Variants in STAG1 observed in about 807,000 individuals in gnomAD.
STAG1 encodes the protein STAG1 cohesin complex component, also known as cohesin subunit SA-1.
A neutral mutation model predicts 170.9 loss-of-function variants in STAG1; 26 were observed. The ratio of observed to expected loss-of-function variants is 0.15; its 90% CI spans 0.11 to 0.21. STAG1 has a LOEUF of 0.21. STAG1 is among the 10% of genes least tolerant of loss of function. The probability of loss-of-function intolerance (pLI) is 1.00; values close to 1 mark genes in which losing one functional copy is unlikely to be tolerated. For missense variants in STAG1, 964 were observed against 1,509.5 expected (o/e 0.64, Z 5.99); for synonymous variants, 514 against 497.7 (o/e 1.03, Z -0.44).
At chr3:136,343,326 T>G (rs776136227) in intron 30 of STAG1, among the ~76,000 whole-genome samples, 1 of 152,214 alleles carries the variant, frequency 6.6e-6, no homozygotes, top group Non-Finnish European at 1.5e-5. Context: ...AGACCTTGAT[T>G]TTCTCTTTGA....
intron 23 of STAG1, among the ~76,000 whole-genome samples, chr3:136,369,520 G>A (rs1230064605): frequency 1.3e-5 from 2 of 151,856 alleles, no homozygotes; most frequent in Non-Finnish European, 2.9e-5. Context: ...TTACTTTGCT[G>A]TATCAACTCA....
At chr3:136,344,064 G>T in intron 29 of STAG1, 58 bp from the exon 30 acceptor site, 2 of 1,350,724 alleles carry the variant, frequency 1.5e-6, no homozygotes, top group Non-Finnish European at 2.0e-6. Flanking sequence ...TCTGGTAGCA[G>T]TCATAGCATA....
chr3:136,567,644 G>A (rs1242507707), intron 5 of STAG1, among the ~76,000 whole-genome samples: 3 of 152,160 alleles, frequency 2.0e-5, no homozygotes, highest in Non-Finnish European at 4.4e-5. Flanking sequence ...ACACACTCCA[G>A]GTGACACAGC....
chr3:136,676,955 C>T (rs1576751338), intron 1 of STAG1, among the ~76,000 whole-genome samples: 1 of 152,088 alleles, frequency 6.6e-6, no homozygotes, highest in Non-Finnish European at 1.5e-5. Context: ...ATATCACTGC[C>T]TTTCACCTCC....
intron 10 of STAG1, 137 bp downstream of exon 10, chr3:136,477,152 A>G (rs2089773472): frequency 4.5e-6 from 4 of 882,688 alleles, no homozygotes; most frequent in Non-Finnish European, 4.9e-6. Context: ...TCAAGTAAAT[A>G]GTTATTCAGC....
intron 1 of STAG1, among the ~76,000 whole-genome samples, chr3:136,727,682 T>A (rs1050434931): frequency 3.3e-5 from 5 of 152,164 alleles, no homozygotes; most frequent in Non-Finnish European, 7.4e-5. Context: ...TATTCAAATA[T>A]GTTCTCTAGG....
intron 1 of STAG1, among the ~76,000 whole-genome samples, chr3:136,643,033 C>T (rs112590491): frequency 3.9e-5 from 6 of 152,332 alleles, no homozygotes; most frequent in East Asian, 1.9e-4. Flanking sequence ...TTAGGGCCTA[C>T]GCTAAATGCC....
chr3:136,408,303 G>A (rs531955045), intron 21 of STAG1, among the ~76,000 whole-genome samples: 1 of 152,258 alleles, frequency 6.6e-6, no homozygotes, highest in South Asian at 2.1e-4. Flanking sequence ...ACATACAACA[G>A]TATTTGAGAG....
intron 1 of STAG1, among the ~76,000 whole-genome samples, chr3:136,696,675 A>C (rs948744472): frequency 1.3e-5 from 2 of 151,858 alleles, no homozygotes; most frequent in East Asian, 3.9e-4. Flanking sequence ...TTTTGCTGTA[A>C]ATCTTAAACT....
chr3:136,435,542 G>C (rs1315422141), intron 15 of STAG1, among the ~76,000 whole-genome samples: 1 of 151,930 alleles, frequency 6.6e-6, no homozygotes, highest in Admixed American at 6.6e-5. Context: ...CTGGAATTAT[G>C]ACTAGTACCA....
chr3:136,380,017 C>A (rs900709589), intron 22 of STAG1, among the ~76,000 whole-genome samples: 1 of 152,140 alleles, frequency 6.6e-6, no homozygotes, highest in Non-Finnish European at 1.5e-5. Flanking sequence ...TCGTTGAGAG[C>A]TGATATGTAC....
intron 3 of STAG1, among the ~76,000 whole-genome samples, chr3:136,622,140 A>AAG (rs1473444393): frequency 6.7e-6 from 1 of 148,564 alleles, no homozygotes; most frequent in African/African-American, 2.5e-5. Context: ...TCTACTAAAA[A>AAG]AAAAAAAAAA....
At chr3:136,553,582 T>C (rs995574752) in intron 5 of STAG1, among the ~76,000 whole-genome samples, 8 of 152,048 alleles carry the variant, frequency 5.3e-5, no homozygotes, top group Admixed American at 2.0e-4. Flanking sequence ...AAGACCATCC[T>C]GGCCAACATG....
At chr3:136,626,031 C>T (rs1384075309) in intron 2 of STAG1, among the ~76,000 whole-genome samples, 2 of 151,872 alleles carry the variant, frequency 1.3e-5, no homozygotes, top group South Asian at 2.1e-4. Flanking sequence ...CCAGCCTGGG[C>T]GAAAGAGTAG....
At chr3:136,486,532 G>A (rs981679095) in intron 9 of STAG1, among the ~76,000 whole-genome samples, 34 of 152,090 alleles carry the variant, frequency 2.2e-4, no homozygotes, top group African/African-American at 8.0e-4. Flanking sequence ...TCTCTGCCGA[G>A]GATCCATTAC....
At chr3:136,453,281 T>C (rs1431927962) in intron 13 of STAG1, among the ~76,000 whole-genome samples, 1 of 152,114 alleles carries the variant, frequency 6.6e-6, no homozygotes, top group Non-Finnish European at 1.5e-5. Context: ...TTTAGATTTA[T>C]TCTAACAAAA....
At chr3:136,719,936 G>A (rs879753892) in intron 1 of STAG1, among the ~76,000 whole-genome samples, 2 of 152,030 alleles carry the variant, frequency 1.3e-5, no homozygotes, top group South Asian at 2.1e-4. Context: ...CAGCACTTTC[G>A]GAGGCCAAGG....
At chr3:136,589,008 G>A (rs897669934) in intron 4 of STAG1, among the ~76,000 whole-genome samples, 2 of 152,162 alleles carry the variant, frequency 1.3e-5, no homozygotes, top group Non-Finnish European at 1.5e-5. Flanking sequence ...TGATCTACCC[G>A]CCTTCGTCTC....
At chr3:136,396,724 C>T (rs2087172964) in intron 22 of STAG1, among the ~76,000 whole-genome samples, 1 of 145,648 alleles carries the variant, frequency 6.9e-6, no homozygotes, top group South Asian at 2.2e-4. Flanking sequence ...GACAGGGTTT[C>T]ACCATATTGG....
Sources: gnomAD v4.1 joint callset for allele counts (sites outside exome capture counted in the v4.1 genomes callset) on GRCh38, gnomAD v4.1.1 for gene constraint, MANE v1.5 for transcripts, NCBI Gene and HGNC (gene_info 2026-07-23, HGNC 2026-07-21) for gene names.